The following FAAH2 variants were observed in gnomAD, a reference collection of about 807,000 sequenced individuals.
FAAH2 encodes fatty acid amide hydrolase 2.
FAAH2 carries 60 observed loss-of-function variants against 36.9 expected under a neutral mutation model. That is an observed-to-expected ratio of 1.63 (90% confidence interval 1.32 to 2.02). FAAH2 has a LOEUF of 2.02. Among genes scored for constraint, FAAH2 ranks in the 30% most tolerant of loss-of-function variants. FAAH2 has a pLI of 0.00. For missense variants in FAAH2, 689 were observed against 397.5 expected (o/e 1.73, Z -6.23); for synonymous variants, 214 against 143.8 (o/e 1.49, Z -3.49).
chrX:57,180,864 A>G, the FAAH2 span, among the ~76,000 whole-genome samples: 1 of 111,780 alleles, frequency 8.9e-6, no homozygotes, highest in Non-Finnish European at 1.9e-5. Flanking sequence ...AATATCCTTC[A>G]TGAACATCGT....
chrX:57,137,529 C>A, the FAAH2 span: 1 of 130,340 alleles, frequency 7.7e-6, no homozygotes, highest in South Asian at 3.3e-4. Flanking sequence ...TTTTTCTGCA[C>A]AAGACTACAG....
the FAAH2 span, among the ~76,000 whole-genome samples, chrX:57,157,627 C>G: frequency 1.8e-5 from 2 of 111,476 alleles, no homozygotes; most frequent in Non-Finnish European, 3.8e-5. Flanking sequence ...ACTGTCCTTT[C>G]TATCCTCTTG....
chrX:57,165,301 CAAT>C, the FAAH2 span, among the ~76,000 whole-genome samples: 1 of 112,275 alleles, frequency 8.9e-6, no homozygotes, highest in South Asian at 3.7e-4. Context: ...AAATGTCCAA[CAAT>C]GATAGACTGG....
chrX:57,465,562 A>G (rs920587481), intron 10 of FAAH2, among the ~76,000 whole-genome samples: 4 of 111,826 alleles, frequency 3.6e-5, no homozygotes, highest in Non-Finnish European at 7.5e-5. Flanking sequence ...AAGACAGCCA[A>G]CCAATACTCT....
chrX:57,478,814 TTC>T (rs779751635), intron 10 of FAAH2, among the ~76,000 whole-genome samples: 1 of 111,650 alleles, frequency 9.0e-6, no homozygotes, highest in Non-Finnish European at 1.9e-5. Flanking sequence ...GTGGCATTAT[TTC>T]TGAGGACTCT....
At chrX:57,303,219 G>A (rs935437691) in intron 2 of FAAH2, among the ~76,000 whole-genome samples, 1 of 111,882 alleles carries the variant, frequency 8.9e-6, no homozygotes, top group Non-Finnish European at 1.9e-5. Context: ...TGTCTTGCAT[G>A]AACAAATATT....
At chrX:57,459,896 G>A (rs1162902989) in intron 10 of FAAH2, among the ~76,000 whole-genome samples, 2 of 111,837 alleles carry the variant, frequency 1.8e-5, no homozygotes, top group East Asian at 2.8e-4. Flanking sequence ...AGAAAAAACA[G>A]CACAACAATG....
chrX:57,324,212 A>G (rs768751284), intron 3 of FAAH2, among the ~76,000 whole-genome samples: 1,166 of 111,598 alleles, frequency 0.01, 15 homozygotes, highest in African/African-American at 0.037. Context: ...CTCTGTTTTG[A>G]TACCAGTACC....
chrX:57,458,650 G>T (rs2056904142), intron 10 of FAAH2, among the ~76,000 whole-genome samples: 1 of 112,114 alleles, frequency 8.9e-6, no homozygotes, highest in Non-Finnish European at 1.9e-5. Flanking sequence ...ATCTCGCTGG[G>T]ACTGGTTAGG....
chrX:57,485,402 C>A (rs1255124489), intron 10 of FAAH2, among the ~76,000 whole-genome samples: 1 of 111,113 alleles, frequency 9.0e-6, no homozygotes, highest in Non-Finnish European at 1.9e-5. Flanking sequence ...CTGGAGCCTG[C>A]AAACCCCATT....
intron 7 of FAAH2, among the ~76,000 whole-genome samples, chrX:57,421,851 T>C (rs1300825821): frequency 8.9e-6 from 1 of 111,767 alleles, no homozygotes; most frequent in Non-Finnish European, 1.9e-5. Flanking sequence ...AAGCAATGTT[T>C]TCCCAATAAG....
chrX:57,139,142 G>A, the FAAH2 span, among the ~76,000 whole-genome samples: 28 of 112,139 alleles, frequency 2.5e-4, no homozygotes, highest in East Asian at 7.3e-3. Flanking sequence ...CCAATGTCCT[G>A]AAGCTTTTTC....
At chrX:57,480,809 T>A (rs1176217477) in intron 10 of FAAH2, among the ~76,000 whole-genome samples, 1 of 111,549 alleles carries the variant, frequency 9.0e-6, no homozygotes, top group Non-Finnish European at 1.9e-5. Flanking sequence ...GGAATTTTCC[T>A]GGATAATATC....
intron 3 of FAAH2, among the ~76,000 whole-genome samples, chrX:57,330,311 T>A (rs2053364228): frequency 9.0e-6 from 1 of 111,132 alleles, no homozygotes; most frequent in Non-Finnish European, 1.9e-5. Flanking sequence ...GGTGTGGCCG[T>A]CTTCTGTGGT....
At chrX:57,135,667 T>C in the FAAH2 span, 1 of 1,069,069 alleles carries the variant, frequency 9.4e-7, no homozygotes, top group Non-Finnish European at 1.2e-6. Flanking sequence ...TTCACAAATT[T>C]GTATTTTTTA....
the FAAH2 span, among the ~76,000 whole-genome samples, chrX:57,185,058 G>A: frequency 1.8e-5 from 2 of 110,554 alleles, no homozygotes; most frequent in African/African-American, 6.7e-5. Flanking sequence ...ATTTCCTCAA[G>A]CATTTATTAT....
chrX:57,420,519 T>G (rs773063580), intron 7 of FAAH2, among the ~76,000 whole-genome samples: 2 of 111,480 alleles, frequency 1.8e-5, no homozygotes, highest in South Asian at 7.6e-4. Context: ...TGGCTCTCTG[T>G]TTGTCTGTTA....
At chrX:57,386,414 A>G (rs1318449464) in intron 7 of FAAH2, among the ~76,000 whole-genome samples, 1 of 109,775 alleles carries the variant, frequency 9.1e-6, no homozygotes, top group Non-Finnish European at 1.9e-5. Flanking sequence ...TTGATAAACC[A>G]TAGAATGCTA....
intron 1 of FAAH2, among the ~76,000 whole-genome samples, chrX:57,290,019 G>T (rs933512390): frequency 9.0e-6 from 1 of 111,557 alleles, no homozygotes; most frequent in Admixed American, 9.5e-5. Flanking sequence ...TCAGCTATGT[G>T]ACTTTGGTTA....
Sources: allele counts gnomAD v4.1 joint callset (sites outside exome capture counted in the v4.1 genomes callset), GRCh38; gene constraint gnomAD v4.1.1; transcripts MANE v1.5; gene names NCBI Gene and HGNC (gene_info 2026-07-23, HGNC 2026-07-21).